ATP10B: variants seen among roughly 807,000 people sequenced by gnomAD.
The protein encoded by ATP10B is phospholipid-transporting ATPase VB.
Under a neutral mutation model 141.2 loss-of-function variants are expected in ATP10B, and 122 were observed. The ratio of observed to expected loss-of-function variants is 0.86; its 90% CI spans 0.75 to 1.00. The LOEUF (loss-of-function observed/expected upper bound fraction) is 1.00, where lower values mean the gene tolerates loss of function less well. ATP10B is among the 50% of genes least tolerant of loss of function. ATP10B has a pLI of 0.00. For missense variants in ATP10B, 1,876 were observed against 1,825.3 expected, an observed-to-expected ratio of 1.03 and a Z score of -0.51; for synonymous variants, 685 against 692.0, an observed-to-expected ratio of 0.99 and a Z score of 0.16.
At chr5:160,708,299 G>A (rs909927976) in intron 3 of ATP10B, among the ~76,000 whole-genome samples, 1 of 152,078 alleles carries the variant, frequency 6.6e-6, no homozygotes, top group Non-Finnish European at 1.5e-5. Context: ...AACACGTGCA[G>A]GTAGCTACAC....
intron 6 of ATP10B, among the ~76,000 whole-genome samples, chr5:160,679,475 C>T (rs17058110): frequency 0.21 from 31,908 of 152,146 alleles, 3,989 homozygotes; most frequent in East Asian, 0.39. Flanking sequence ...CTAAATGTTG[C>T]TCCTCCTTCA....
chr5:160,601,959 C>T (rs377138814), intron 21 of ATP10B, among the ~76,000 whole-genome samples: 13 of 152,206 alleles, frequency 8.5e-5, no homozygotes, highest in African/African-American at 3.1e-4. Context: ...TTTTCACCCT[C>T]ACTCTCCCAA....
chr5:160,830,045 G>A (rs1398230107), intron 1 of ATP10B, among the ~76,000 whole-genome samples: 1 of 152,094 alleles, frequency 6.6e-6, no homozygotes, highest in African/African-American at 2.4e-5. Context: ...AAAGGGGAAT[G>A]TTTCCAGGTT....
chr5:160,861,643 T>C, the ATP10B span, among the ~76,000 whole-genome samples: 3 of 151,842 alleles, frequency 2.0e-5, no homozygotes, highest in Non-Finnish European at 4.4e-5. Flanking sequence ...TCATAATTAT[T>C]TATGCTGAAT....
At chr5:160,590,971 GAAGGA>G in intron 23 of ATP10B, 83 bp downstream of exon 23, 1 of 1,133,416 alleles carries the variant, frequency 8.8e-7, no homozygotes, top group South Asian at 1.3e-5. Flanking sequence ...AAAGTGTCCA[GAAGGA>G]CACTACTGGT....
intron 2 of ATP10B, among the ~76,000 whole-genome samples, chr5:160,725,660 T>C (rs1766294872): frequency 1.3e-5 from 2 of 152,144 alleles, no homozygotes; most frequent in African/African-American, 4.8e-5. Context: ...TTAGCCAGGA[T>C]GGTCTCGATC....
In ATP10B at chr5:160,607,091, A is replaced by G; in HGVS notation, c.2839-5T>C. The G allele has an allele frequency of 6.2e-7, 1 of 1,608,776 alleles. No individual in the cohort carries two copies. The highest frequency in any genetic ancestry group is 8.5e-7 in the Non-Finnish European group (1 of 1,176,216). On this transcript the variant is annotated splice_polypyrimidine_tract_variant and splice_region_variant and intron_variant, in intron 18 of 25. Transcript: ENST00000327245. ...GAGGATGGATTCACAGGTCTCCTAT[A>G]AAGAAGCATAATAATACAGTATTTG...
chr5:160,604,360 C>A (rs1581187350), intron 19 of ATP10B, among the ~76,000 whole-genome samples: 1 of 152,100 alleles, frequency 6.6e-6, no homozygotes. Context: ...ACAAATGTTA[C>A]AATGAACTTT....
the ATP10B span, among the ~76,000 whole-genome samples, chr5:160,866,792 C>T: frequency 6.6e-6 from 1 of 152,100 alleles, no homozygotes; most frequent in Non-Finnish European, 1.5e-5. Flanking sequence ...ACAGTATACA[C>T]TGCTTGGGTG....
At chr5:160,707,866 A>G (rs1021692238) in intron 3 of ATP10B, among the ~76,000 whole-genome samples, 8 of 152,178 alleles carry the variant, frequency 5.3e-5, no homozygotes, top group Non-Finnish European at 1.0e-4. Flanking sequence ...AGACTCAGAG[A>G]AGCAGCACAT....
chr5:160,756,625 G>A (rs1037204808), intron 2 of ATP10B, among the ~76,000 whole-genome samples: 3 of 151,954 alleles, frequency 2.0e-5, no homozygotes, highest in African/African-American at 7.3e-5. Flanking sequence ...GACTAACAAT[G>A]TTGCGCTTTT....
chr5:160,687,739 T>A, intron 5 of ATP10B, 61 bp downstream of exon 5: 1 of 1,550,406 alleles, frequency 6.4e-7, no homozygotes, highest in Non-Finnish European at 8.8e-7. Flanking sequence ...TACTCCAGCC[T>A]GGGGAACAGA....
chr5:160,896,135 A>T, the ATP10B span, among the ~76,000 whole-genome samples: 6 of 152,166 alleles, frequency 3.9e-5, no homozygotes, highest in Non-Finnish European at 5.9e-5. Context: ...TAATGAAAAG[A>T]ACTAGAGAAG....
rs1345862810 is a variant in ATP10B at position 160,840,731 on chromosome 5, A to G, written c.-576+11210T>C. Among the ~76,000 whole-genome samples, 9 of 152,310 alleles carry G rather than the reference A, an allele frequency of 5.9e-5. No individual in the cohort carries two copies. In the East Asian group the frequency reaches 1.7e-3, roughly 29 times the overall value. On this transcript the variant is annotated intron_variant, in intron 1 of 25. Coordinates refer to ENST00000327245, the MANE Select transcript of ATP10B (RefSeq NM_025153.3). ...CAAAAATACCAGAAGCAAAGTCAAA[A>G]GACAAATGACAAACTGGAAAAGAAG...
chr5:160,654,919 G>C (rs1444086045), intron 7 of ATP10B, among the ~76,000 whole-genome samples: 1 of 152,178 alleles, frequency 6.6e-6, no homozygotes, highest in Non-Finnish European at 1.5e-5. Context: ...GATTTTCCCA[G>C]TGCCATCCAG....
chr5:160,835,379 G>A (rs886910037), intron 1 of ATP10B, among the ~76,000 whole-genome samples: 5 of 152,102 alleles, frequency 3.3e-5, no homozygotes, highest in Non-Finnish European at 7.4e-5. Flanking sequence ...TCATCTACAG[G>A]GGAGAGGGGA....
At chr5:160,595,388 AG>A in intron 22 of ATP10B, among the ~76,000 whole-genome samples, 1 of 152,272 alleles carries the variant, frequency 6.6e-6, no homozygotes, top group African/African-American at 2.4e-5. Context: ...ACACATTTAA[AG>A]CAGTGTGTAG....
intron 2 of ATP10B, among the ~76,000 whole-genome samples, chr5:160,774,806 G>C (rs555265029): frequency 1.3e-5 from 2 of 152,178 alleles, no homozygotes; most frequent in Non-Finnish European, 2.9e-5. Flanking sequence ...GAAGGGCAAG[G>C]CCTCTTTGTT....
chr5:160,725,533 C>T (rs1226909305), intron 2 of ATP10B, among the ~76,000 whole-genome samples: 1 of 152,060 alleles, frequency 6.6e-6, no homozygotes, highest in African/African-American at 2.4e-5. Flanking sequence ...GCAAGCTCCG[C>T]CTCCCGGGTT....
Sources: gnomAD v4.1 joint callset for allele counts (sites outside exome capture counted in the v4.1 genomes callset) on GRCh38, gnomAD v4.1.1 for gene constraint, MANE v1.5 for transcripts, NCBI Gene and HGNC (gene_info 2026-07-23, HGNC 2026-07-21) for gene names.